Variants in KCNMB2 observed in about 807,000 individuals in gnomAD.
The protein encoded by KCNMB2 is potassium calcium-activated channel subfamily M regulatory beta subunit 2.
KCNMB2 carries 9 observed loss-of-function variants against 24.5 expected under a neutral mutation model. The observed-to-expected ratio is 0.37, with a 90% CI of 0.22 to 0.64. The LOEUF is 0.64. KCNMB2 is among the 30% of genes least tolerant of loss of function. KCNMB2 has a pLI of 0.63. For missense variants in KCNMB2, 226 were observed against 284.3 expected (o/e 0.79, Z 1.47); for synonymous variants, 109 against 104.4 (o/e 1.04, Z -0.27).
chr3:178,641,813 G>A (rs1719738410), intron 1 of KCNMB2, among the ~76,000 whole-genome samples: 2 of 152,040 alleles, frequency 1.3e-5, no homozygotes, highest in Non-Finnish European at 2.9e-5. Flanking sequence ...TTCTTTTCAA[G>A]TTGAGAAAGT....
At chr3:178,570,238 G>A (rs1716722503) in intron 1 of KCNMB2, among the ~76,000 whole-genome samples, 1 of 152,072 alleles carries the variant, frequency 6.6e-6, no homozygotes, top group Non-Finnish European at 1.5e-5. Flanking sequence ...TAGTTTTCAT[G>A]TATTTTTAAT....
chr3:178,800,482 T>C (rs1017930717), intron 1 of KCNMB2, among the ~76,000 whole-genome samples: 1 of 152,096 alleles, frequency 6.6e-6, no homozygotes, highest in African/African-American at 2.4e-5. Flanking sequence ...TGAGATATCG[T>C]CTCACCCCAA....
chr3:178,673,217 G>A (rs777878548), intron 1 of KCNMB2, among the ~76,000 whole-genome samples: 1 of 151,986 alleles, frequency 6.6e-6, no homozygotes, highest in Non-Finnish European at 1.5e-5. Flanking sequence ...ATCTGTGCTT[G>A]TACCCTTCAG....
At chr3:178,637,280 A>G (rs544718485) in intron 1 of KCNMB2, among the ~76,000 whole-genome samples, 1 of 152,314 alleles carries the variant, frequency 6.6e-6, no homozygotes, top group African/African-American at 2.4e-5. Context: ...GAATAGCCAC[A>G]CTGTCTTACA....
chr3:178,758,143 T>TATATATATATATCCAAGAGG (rs1724250684), intron 1 of KCNMB2, among the ~76,000 whole-genome samples: 6 of 54,172 alleles, frequency 1.1e-4, no homozygotes, highest in South Asian at 6.3e-4. Context: ...CAAGAGGATA[T>TATATATATATATCCAAGAGG]ATATATATAT....
intron 1 of KCNMB2, among the ~76,000 whole-genome samples, chr3:178,754,620 T>C (rs1482851465): frequency 6.6e-6 from 1 of 152,158 alleles, no homozygotes; most frequent in Non-Finnish European, 1.5e-5. Flanking sequence ...GGATGAATCA[T>C]TGAGATTTGA....
intron 1 of KCNMB2, among the ~76,000 whole-genome samples, chr3:178,548,341 C>T (rs1036135095): frequency 4.6e-5 from 7 of 152,204 alleles, no homozygotes; most frequent in African/African-American, 1.7e-4. Flanking sequence ...AGTTTCCAAG[C>T]ATGACCTTGA....
chr3:178,779,168 C>T (rs1386929233), intron 1 of KCNMB2, among the ~76,000 whole-genome samples: 3 of 152,126 alleles, frequency 2.0e-5, no homozygotes, highest in African/African-American at 7.2e-5. Context: ...TTGAGGAGGC[C>T]CCAGCCTCCC....
At chr3:178,610,021 A>G (rs1417270167) in intron 1 of KCNMB2, among the ~76,000 whole-genome samples, 2 of 152,148 alleles carry the variant, frequency 1.3e-5, no homozygotes, top group African/African-American at 2.4e-5. Flanking sequence ...AGCACCATTT[A>G]TTGAAGAGAC....
chr3:178,712,307 G>T (rs183030934), intron 1 of KCNMB2, among the ~76,000 whole-genome samples: 1 of 152,262 alleles, frequency 6.6e-6, no homozygotes, highest in African/African-American at 2.4e-5. Context: ...CTGTTATTTT[G>T]GATACCTATC....
At chr3:178,775,129 A>G (rs1161255041) in intron 1 of KCNMB2, among the ~76,000 whole-genome samples, 2 of 152,250 alleles carry the variant, frequency 1.3e-5, no homozygotes, top group African/African-American at 4.8e-5. Flanking sequence ...TTTCTGGACC[A>G]AGAACTAATA....
rs368793461 is a variant in KCNMB2 at position 178,779,497 on chromosome 3, A to G, written c.-67-27846A>G. Among the ~76,000 whole-genome samples, 54 of 152,344 alleles carry G rather than the reference A, an allele frequency of 3.5e-4. 1 individual carries two copies. In the South Asian group the frequency reaches 0.011, roughly 31 times the overall value. ...CAGGTTGTAAATTAGAATTTGAAAA[A>G]GTTCAAACGTCATAGTCAATATGTC... is the stretch of plus-strand genomic sequence containing the variant. On this transcript the variant is annotated intron_variant, in intron 1 of 4. Coordinates refer to ENST00000452583, the MANE Select transcript of KCNMB2 (RefSeq NM_181361.3).
At chr3:178,690,401 G>A (rs1359806204) in intron 1 of KCNMB2, among the ~76,000 whole-genome samples, 1 of 152,108 alleles carries the variant, frequency 6.6e-6, no homozygotes, top group African/African-American at 2.4e-5. Flanking sequence ...CTAGATGACT[G>A]CCATGAAACA....
At chr3:178,817,361 C>T (rs138548376) in intron 2 of KCNMB2, among the ~76,000 whole-genome samples, 4 of 151,904 alleles carry the variant, frequency 2.6e-5, no homozygotes, top group Non-Finnish European at 5.9e-5. Context: ...TACCTACCAG[C>T]TCAAGGAAAA....
chr3:178,773,421 C>T (rs1170606981), intron 1 of KCNMB2, among the ~76,000 whole-genome samples: 1 of 152,084 alleles, frequency 6.6e-6, no homozygotes, highest in Non-Finnish European at 1.5e-5. Flanking sequence ...ATCAGACCTG[C>T]TTTTCCCCCT....
chr3:178,807,599 T>C (rs1182799222), intron 2 of KCNMB2, 134 bp downstream of exon 2: 46 of 681,164 alleles, frequency 6.8e-5, no homozygotes, highest in Non-Finnish European at 1.5e-5. Context: ...AGTACAGGAG[T>C]AGGGTTTCAG....
chr3:178,578,849 T>C (rs1717092829), intron 1 of KCNMB2, among the ~76,000 whole-genome samples: 1 of 152,106 alleles, frequency 6.6e-6, no homozygotes, highest in South Asian at 2.1e-4. Context: ...ATGCACCCAA[T>C]ACAGGAGCAA....
intron 1 of KCNMB2, among the ~76,000 whole-genome samples, chr3:178,803,479 T>C (rs898820036): frequency 1.3e-5 from 2 of 152,178 alleles, no homozygotes; most frequent in African/African-American, 4.8e-5. Flanking sequence ...TCACAGTGCA[T>C]GAGGCCAAAG....
intron 1 of KCNMB2, among the ~76,000 whole-genome samples, chr3:178,580,165 T>C (rs1717146548): frequency 6.6e-6 from 1 of 152,174 alleles, no homozygotes; most frequent in African/African-American, 2.4e-5. Context: ...ATCAAAAAGC[T>C]TATCCACCAC....
Sources: allele counts gnomAD v4.1 joint callset (sites outside exome capture counted in the v4.1 genomes callset), GRCh38; gene constraint gnomAD v4.1.1; transcripts MANE v1.5; gene names NCBI Gene and HGNC (gene_info 2026-07-23, HGNC 2026-07-21).